DPYSL2: variants seen among roughly 807,000 people sequenced by gnomAD.
DPYSL2 encodes dihydropyrimidinase-related protein 2.
A neutral mutation model predicts 69.9 loss-of-function variants in DPYSL2; 13 were observed. That is an observed-to-expected ratio of 0.19 (90% confidence interval 0.12 to 0.30). The LOEUF (loss-of-function observed/expected upper bound fraction) is 0.30. Among genes scored for constraint, DPYSL2 ranks in the 10% least tolerant of loss-of-function variants. The probability of loss-of-function intolerance (pLI) is 1.00; values close to 1 mark genes in which losing one functional copy is unlikely to be tolerated. For missense variants in DPYSL2, 587 were observed against 918.9 expected (o/e 0.64, Z 4.67); for synonymous variants, 326 against 359.1 (o/e 0.91, Z 1.04).
In DPYSL2 at chr8:26,653,181, G is replaced by C; in HGVS notation, c.1777-51G>C. On this transcript the variant is annotated intron_variant, in intron 12 of 13. Coordinates refer to ENST00000521913, the MANE Select transcript of DPYSL2 (RefSeq NM_001197293.3). This position sits in a 1 kb window ranked among gnomAD's most constrained non-coding sequence, Gnocchi z 5.7. ...CTCCCTCCAGGAGGGTTTCTAGAGAGGTATCCTCTGTGGCTGTGGCCTGAG... is the reference window on the plus strand; with the variant it reads ...CTCCCTCCAGGAGGGTTTCTAGAGACGTATCCTCTGTGGCTGTGGCCTGAG... 1 of 1,591,678 alleles carries C rather than the reference G, an allele frequency of 6.3e-7. No individual in the cohort carries two copies. Among genetic ancestry groups the C allele is most frequent in the Non-Finnish European group, 8.6e-7 (1 of 1,167,104 alleles).
intron 7 of DPYSL2, among the ~76,000 whole-genome samples, chr8:26,629,570 C>T: frequency 6.6e-6 from 1 of 152,118 alleles, no homozygotes; most frequent in East Asian, 1.9e-4. Context: ...GTGCTAAAGG[C>T]TGAAAGGGTG....
At chr8:26,646,246 C>T (rs568849026) in intron 10 of DPYSL2, among the ~76,000 whole-genome samples, 19 of 151,386 alleles carry the variant, frequency 1.3e-4, no homozygotes, top group African/African-American at 4.6e-4. Context: ...TTATAATAGA[C>T]ACATTCTTGA....
rs1325309281 is a variant in DPYSL2 at position 26,621,900 on chromosome 8, G to A, written c.629-2243G>A. On this transcript the variant is annotated intron_variant, in intron 3 of 13. Coordinates refer to ENST00000521913, the MANE Select transcript of DPYSL2 (RefSeq NM_001197293.3). This position sits in a 1 kb window ranked among gnomAD's most constrained non-coding sequence, Gnocchi z 4.9. The stretch of plus-strand genomic sequence containing the variant: ...AATTGGACTCTAAGGATGGTAGACA[G>A]CTACTAAAGGATTTAATAAGGGGAA... Among the ~76,000 whole-genome samples, 1 of 152,162 alleles carries A rather than the reference G, an allele frequency of 6.6e-6. No individual in the cohort carries two copies. The highest frequency in any genetic ancestry group is 1.5e-5 in the Non-Finnish European group (1 of 68,022).
At chr8:26,524,707 C>G (rs899167174) in intron 1 of DPYSL2, among the ~76,000 whole-genome samples, 3 of 142,726 alleles carry the variant, frequency 2.1e-5, no homozygotes, top group African/African-American at 7.8e-5. Context: ...GAGGCTGAGG[C>G]AGGAGAATCG....
chr8:26,589,229 T>G (rs1801668670), intron 3 of DPYSL2, among the ~76,000 whole-genome samples: 1 of 152,202 alleles, frequency 6.6e-6, no homozygotes, highest in Admixed American at 6.5e-5. Flanking sequence ...TCACCCTTGG[T>G]GGCCCAGCCT....
At chr8:26,531,139 C>A (rs1236605505) in intron 1 of DPYSL2, among the ~76,000 whole-genome samples, 8 of 151,382 alleles carry the variant, frequency 5.3e-5, no homozygotes, top group Admixed American at 2.0e-4. Flanking sequence ...CACCTCTTAA[C>A]ATTATTGCAT....
At chr8:26,604,595 A>T (rs543806348) in intron 3 of DPYSL2, among the ~76,000 whole-genome samples, 4 of 152,024 alleles carry the variant, frequency 2.6e-5, no homozygotes, top group Non-Finnish European at 5.9e-5. Context: ...CCTTTGCTGC[A>T]GGGCCGATGA....
intron 3 of DPYSL2, among the ~76,000 whole-genome samples, chr8:26,604,199 G>C (rs11782869): frequency 0.23 from 35,214 of 152,206 alleles, 4,380 homozygotes; most frequent in African/African-American, 0.31. Flanking sequence ...AAAGCAAAAG[G>C]ACTTTTAACT....
In DPYSL2 at chr8:26,626,582, A is replaced by G; in HGVS notation, c.794-35A>G. On this transcript the variant is annotated intron_variant, in intron 4 of 13. Coordinates refer to ENST00000521913, the MANE Select transcript of DPYSL2 (RefSeq NM_001197293.3). This position sits in a 1 kb window ranked among gnomAD's most constrained non-coding sequence, Gnocchi z 4.3. Reference sequence around the variant, plus strand: ...CCTTATTTGGTTATTTGGTTTATCTATTAAAAGTCCACTTCTCTATTTTGT... The same window carrying G: ...CCTTATTTGGTTATTTGGTTTATCTGTTAAAAGTCCACTTCTCTATTTTGT... 1 of 1,605,134 alleles carries G rather than the reference A, an allele frequency of 6.2e-7. No homozygotes were observed. The highest frequency in any genetic ancestry group is 1.3e-5 in the African/African-American group (1 of 74,734).
At chr8:26,525,214 T>G (rs527664467) in intron 1 of DPYSL2, among the ~76,000 whole-genome samples, 1 of 152,298 alleles carries the variant, frequency 6.6e-6, no homozygotes, top group Middle Eastern at 3.4e-3. Context: ...TTTCATGAGT[T>G]TTTGAAATTG....
intron 10 of DPYSL2, among the ~76,000 whole-genome samples, chr8:26,645,903 C>G (rs1244335682): frequency 1.3e-5 from 2 of 150,004 alleles, no homozygotes; most frequent in Admixed American, 1.3e-4. Context: ...TTCACTCTTT[C>G]CCCCCAGGCT....
rs1554544254 is a variant in DPYSL2 at position 26,622,158 on chromosome 8, C to CCTCCCTCCCTCT, written c.629-1982_629-1981insCCTCCCTCTCTC. Among the ~76,000 whole-genome samples, 119 of 36,370 alleles carry CCTCCCTCCCTCT rather than the reference C, an allele frequency of 3.3e-3. 5 individuals are homozygous for CCTCCCTCCCTCT. Among genetic ancestry groups the CCTCCCTCCCTCT allele is most frequent in the Middle Eastern group, 0.03 (2 of 66 alleles). 23.9% of individuals were successfully genotyped at this position (36,370 alleles called of 152,430 possible). On this transcript the variant is annotated intron_variant, in intron 3 of 13. Coordinates refer to ENST00000521913, the MANE Select transcript of DPYSL2 (RefSeq NM_001197293.3). ...CCTTCCTTCCTTCCTTCCTTCCTTC[C>CCTCCCTCCCTCT]CTCTCTCTCTCTTTCTTTCTTTCTT...
At position 26,591,557 on chromosome 8, in the gene DPYSL2, G is replaced by C. The variant is rs1311687307; in HGVS notation, c.628+7574G>C. On this transcript the variant is annotated intron_variant, in intron 3 of 13. Coordinates refer to ENST00000521913, the MANE Select transcript of DPYSL2 (RefSeq NM_001197293.3). The surrounding 1 kb of genome is among the most constrained non-coding windows in gnomAD (Gnocchi z 5.8). ...GCCAGAGAAGCTGCCCAATGAGTCT[G>C]ATGGGAGCCAGACCCGTTACTCCTT... Among the ~76,000 whole-genome samples, 1 of 152,210 alleles carries C rather than the reference G, an allele frequency of 6.6e-6. No homozygotes were observed.
At chr8:26,632,941 G>A (rs2129935635) in intron 7 of DPYSL2, among the ~76,000 whole-genome samples, 1 of 152,340 alleles carries the variant, frequency 6.6e-6, no homozygotes, top group South Asian at 2.1e-4. Flanking sequence ...GTTGATGCCT[G>A]AAAGGCCAAA....
At position 26,627,695 on chromosome 8, in the gene DPYSL2, G is replaced by A. The variant is rs1385108462; in HGVS notation, c.937-177G>A. ...GCTGTAATTGATCCATCCTGCTCAG[G>A]CGGGACTGGGAACAGGGCAGTGAAC... On this transcript the variant is annotated intron_variant, in intron 6 of 13. Coordinates refer to ENST00000521913, the MANE Select transcript of DPYSL2 (RefSeq NM_001197293.3). This position sits in a 1 kb window ranked among gnomAD's most constrained non-coding sequence, Gnocchi z 6.9. Among the ~76,000 whole-genome samples the A allele has an allele frequency of 6.6e-6, 1 of 152,200 alleles. No homozygotes were observed. Among genetic ancestry groups the A allele is most frequent in the East Asian group, 1.9e-4 (1 of 5,190 alleles).
At chr8:26,576,809 C>T (rs1801355004) in intron 1 of DPYSL2, among the ~76,000 whole-genome samples, 1 of 152,232 alleles carries the variant, frequency 6.6e-6, no homozygotes, top group East Asian at 1.9e-4. Context: ...CTCCGCCCCA[C>T]GGTGCGGTGT....
At chr8:26,525,940 T>C (rs963590376) in intron 1 of DPYSL2, among the ~76,000 whole-genome samples, 42 of 152,362 alleles carry the variant, frequency 2.8e-4, no homozygotes, top group Admixed American at 1.6e-3. Flanking sequence ...TCTTTCTATT[T>C]AAGTTTATAT....
At chr8:26,570,847 C>T (rs1213981494) in intron 1 of DPYSL2, among the ~76,000 whole-genome samples, 1 of 151,402 alleles carries the variant, frequency 6.6e-6, no homozygotes, top group Non-Finnish European at 1.5e-5. Context: ...GTGCTTTTCT[C>T]TCCTCGTCTA....
intron 1 of DPYSL2, chr8:26,548,453 A>G (rs1379380987): frequency 6.3e-6 from 1 of 158,530 alleles, no homozygotes; most frequent in East Asian, 1.8e-4. Flanking sequence ...GTGTGGATTA[A>G]AAGACAATAA....
Sources: allele counts gnomAD v4.1 joint callset (sites outside exome capture counted in the v4.1 genomes callset), GRCh38; gene constraint gnomAD v4.1.1; non-coding constraint Gnocchi (gnomAD v3.1); transcripts MANE v1.5; gene names NCBI Gene and HGNC (gene_info 2026-07-23, HGNC 2026-07-21).